The following SLC16A7 variants were observed in gnomAD, a reference collection of about 807,000 sequenced individuals.
SLC16A7 encodes the protein monocarboxylate transporter 2.
A neutral mutation model predicts 34.9 loss-of-function variants in SLC16A7; 33 were observed. The ratio of observed to expected loss-of-function variants is 0.94; its 90% confidence interval spans 0.72 to 1.26. The LOEUF (loss-of-function observed/expected upper bound fraction) is 1.26, where lower values mean the gene tolerates loss of function less well. Ranked by LOEUF, SLC16A7 falls within the 50% of genes most tolerant of loss-of-function variation. SLC16A7 has a pLI of 0.00. For missense variants in SLC16A7, 573 were observed against 578.1 expected, an observed-to-expected ratio of 0.99 and a Z score of 0.09; for synonymous variants, 201 against 206.6, an observed-to-expected ratio of 0.97 and a Z score of 0.23.
At chr12:59,699,925 A>G (rs1469746833) in intron 2 of SLC16A7, among the ~76,000 whole-genome samples, 1 of 151,692 alleles carries the variant, frequency 6.6e-6, no homozygotes, top group Non-Finnish European at 1.5e-5. Flanking sequence ...GTCTAATACC[A>G]TGTTTTTCAC....
chr12:59,736,707 T>TTC (rs1209190645), intron 3 of SLC16A7, among the ~76,000 whole-genome samples: 2 of 152,220 alleles, frequency 1.3e-5, no homozygotes, highest in African/African-American at 4.8e-5. Context: ...GCCTAGAAAT[T>TTC]AAGACCTCAT....
At chr12:59,668,150 G>A (rs776612404) in intron 2 of SLC16A7, among the ~76,000 whole-genome samples, 1 of 152,230 alleles carries the variant, frequency 6.6e-6, no homozygotes, top group African/African-American at 2.4e-5. Flanking sequence ...GCAGGGAAAT[G>A]TGGGGTCAGA....
intron 1 of SLC16A7, among the ~76,000 whole-genome samples, chr12:59,639,402 T>G (rs1352625331): frequency 6.6e-6 from 1 of 152,158 alleles, no homozygotes; most frequent in Non-Finnish European, 1.5e-5. Flanking sequence ...TTCTGGTTTT[T>G]GAGACCAGAT....
chr12:59,783,930 C>T lies in SLC16A7; in HGVS notation c.*4251C>T, dbSNP rs1883435050. The stretch of plus-strand genomic sequence containing the variant: ...CTGACCTCAGGTGATTCACTCGCCT[C>T]TGCCTCCCAAAGTGCTGGGATTACA... On this transcript the variant is annotated 3_prime_UTR_variant, in exon 6 of 6. Transcript: ENST00000547379. The T allele has an allele frequency of 6.6e-6, 1 of 152,188 alleles. No homozygotes were observed. Among genetic ancestry groups the T allele is most frequent in the South Asian group, 2.1e-4 (1 of 4,832 alleles). 9.4% of individuals were successfully genotyped at this position (152,188 alleles called of 1,614,324 possible).
At chr12:59,745,018 A>G (rs1409255867) in intron 3 of SLC16A7, among the ~76,000 whole-genome samples, 4 of 152,134 alleles carry the variant, frequency 2.6e-5, no homozygotes, top group African/African-American at 9.7e-5. Flanking sequence ...CATCTCATTG[A>G]ATTGAGAGGT....
chr12:59,655,448 C>T (rs1868486873), intron 2 of SLC16A7, among the ~76,000 whole-genome samples, 198 bp downstream of exon 2: 1 of 151,628 alleles, frequency 6.6e-6, no homozygotes, highest in South Asian at 2.1e-4. Flanking sequence ...ACTGTGTGAT[C>T]TTGGTCAAGA....
intron 2 of SLC16A7, among the ~76,000 whole-genome samples, chr12:59,656,173 C>A (rs1868523977): frequency 6.6e-6 from 1 of 151,934 alleles, no homozygotes. Flanking sequence ...ACTCTGTCTT[C>A]TACCTCAAGT....
intron 3 of SLC16A7, among the ~76,000 whole-genome samples, chr12:59,760,040 A>G (rs995385916): frequency 6.6e-6 from 1 of 152,034 alleles, no homozygotes; most frequent in Non-Finnish European, 1.5e-5. Flanking sequence ...TTAATTTAAA[A>G]ATCTATCATA....
chr12:59,675,604 G>A (rs1004483440), intron 2 of SLC16A7, among the ~76,000 whole-genome samples: 3 of 152,150 alleles, frequency 2.0e-5, no homozygotes, highest in Non-Finnish European at 4.4e-5. Flanking sequence ...AAGGTAAAAG[G>A]AAAATGTTAA....
At chr12:59,671,884 T>C (rs1291871412) in intron 2 of SLC16A7, among the ~76,000 whole-genome samples, 2 of 134,334 alleles carry the variant, frequency 1.5e-5, no homozygotes, top group African/African-American at 5.4e-5. Context: ...TATATATGTA[T>C]ATATGTACAT....
At chr12:59,700,442 T>C (rs1487083548) in intron 2 of SLC16A7, among the ~76,000 whole-genome samples, 2 of 149,994 alleles carry the variant, frequency 1.3e-5, no homozygotes. Flanking sequence ...TATTATTACA[T>C]GCATATAATA....
At chr12:59,642,512 C>G (rs974019204) in intron 1 of SLC16A7, among the ~76,000 whole-genome samples, 1 of 152,004 alleles carries the variant, frequency 6.6e-6, no homozygotes, top group Non-Finnish European at 1.5e-5. Context: ...AAGCTTAATG[C>G]AGTACCTGTC....
chr12:59,649,479 A>G (rs1868304327), intron 1 of SLC16A7, among the ~76,000 whole-genome samples: 2 of 152,180 alleles, frequency 1.3e-5, no homozygotes, highest in African/African-American at 2.4e-5. Flanking sequence ...AAATACTGCC[A>G]TGACCTGACT....
chr12:59,608,140 C>G (rs1319747528), intron 1 of SLC16A7, among the ~76,000 whole-genome samples: 1 of 152,156 alleles, frequency 6.6e-6, no homozygotes, highest in Non-Finnish European at 1.5e-5. Flanking sequence ...TCTGCATCCT[C>G]TCTCTGTTTC....
rs200451204 is a variant in SLC16A7, at chr12:59,632,318, GA to G, written c.-129-22831del. 4.5e-3 allele frequency among the ~76,000 whole-genome samples: 679 copies of G among 152,044 alleles called. 2 individuals are homozygous for G. The highest frequency in any genetic ancestry group is 0.016 in the African/African-American group (652 of 41,526). On this transcript the variant is annotated intron_variant, in intron 1 of 5. Coordinates refer to ENST00000547379, the MANE Select transcript of SLC16A7 (RefSeq NM_001270623.2). ...AAAGTGGTGGAAAAGAAAGGGAATT[GA>G]AAGTTTCTAACCTTGATTTTCTTTA... is the stretch of plus-strand genomic sequence containing the variant.
Position 59,779,724 on chromosome 12 carries a change from AGTTT to A in SLC16A7, c.*50_*53del. On this transcript the variant is annotated 3_prime_UTR_variant, in exon 6 of 6. Transcript: ENST00000547379. ...TTCAGTGTTTATGACTTTATCTAGG[AGTTT>A]GTTTTTCATTTTGTTTTTTTAAAGT... 2.0e-6 allele frequency: 3 copies of A among 1,474,308 alleles called. No homozygotes were observed. Among genetic ancestry groups the A allele is most frequent in the Admixed American group, 4.6e-5 (2 of 43,926 alleles). The allele number at this position is 1,474,308 out of a possible 1,614,324, so 91.3% of individuals were successfully genotyped here.
chr12:59,628,155 C>A (rs1354595657), intron 1 of SLC16A7, among the ~76,000 whole-genome samples: 2 of 151,772 alleles, frequency 1.3e-5, no homozygotes, highest in Admixed American at 1.3e-4. Flanking sequence ...TTTTATAATT[C>A]TTCACATTGA....
Position 59,768,129 on chromosome 12 carries a change from C to A in SLC16A7, c.218-3090C>A, listed in dbSNP as rs959040083. 23 of 453,974 alleles carry A rather than the reference C, an allele frequency of 5.1e-5. No homozygotes were observed. In the East Asian group the frequency reaches 1.6e-3, roughly 32 times the overall value. 28.1% of individuals were successfully genotyped at this position (453,974 alleles called of 1,614,324 possible). ...AATACATTTTGTAAGCTTACAGCTG[C>A]CGTACATAATGACTCCTCTGATGAA... On this transcript the variant is annotated intron_variant, in intron 3 of 5. Transcript: ENST00000547379.
chr12:59,774,418 C>T (rs17122985), intron 4 of SLC16A7, among the ~76,000 whole-genome samples: 11,813 of 152,136 alleles, frequency 0.078, 550 homozygotes, highest in Middle Eastern at 0.17. Flanking sequence ...TTCTCAATTT[C>T]ATTTTTGTGC....
Sources: allele counts gnomAD v4.1 joint callset (sites outside exome capture counted in the v4.1 genomes callset), GRCh38; gene constraint gnomAD v4.1.1; transcripts MANE v1.5; gene names NCBI Gene and HGNC (gene_info 2026-07-23, HGNC 2026-07-21).